Variants in STK33 observed in about 807,000 individuals in gnomAD.
STK33 encodes the protein serine/threonine kinase 33, also known as serine/threonine-protein kinase 33.
Under a neutral mutation model 58.0 loss-of-function variants are expected in STK33, and 52 were observed. That is an observed-to-expected ratio of 0.90 (90% CI 0.72 to 1.13). STK33 has a LOEUF of 1.13. Among genes scored for constraint, STK33 ranks in the 50% most tolerant of loss-of-function variants. The probability of loss-of-function intolerance (pLI) is 0.00; values close to 1 mark genes in which losing one functional copy is unlikely to be tolerated. For synonymous variants in STK33, 215 were observed against 200.1 expected (o/e 1.07, Z -0.63); for missense variants, 630 against 604.2 (o/e 1.04, Z -0.45).
chr11:8,354,511 C>CACACACACACACACACACAT, the STK33 span, among the ~76,000 whole-genome samples: 2 of 143,672 alleles, frequency 1.4e-5, no homozygotes, highest in Non-Finnish European at 3.2e-5. Context: ...CACACACACA[C>CACACACACACACACACACAT]ACACACCCCT....
intron 1 of STK33, among the ~76,000 whole-genome samples, chr11:8,510,644 T>A (rs1460971915): frequency 6.6e-6 from 1 of 152,222 alleles, no homozygotes; most frequent in Non-Finnish European, 1.5e-5. Context: ...AGTCTTAGAT[T>A]TGAGTCTTTG....
the STK33 span, among the ~76,000 whole-genome samples, chr11:8,357,016 G>A: frequency 2.0e-5 from 3 of 152,218 alleles, no homozygotes; most frequent in Non-Finnish European, 4.4e-5. Context: ...GCGCTGCCCC[G>A]CAGTTGTGCA....
At chr11:8,575,939 TAAC>T (rs1291392784) in intron 1 of STK33, among the ~76,000 whole-genome samples, 1 of 152,084 alleles carries the variant, frequency 6.6e-6, no homozygotes, top group Non-Finnish European at 1.5e-5. Context: ...TTACAAGTCT[TAAC>T]AAGCTTATAC....
At chr11:8,521,046 AAATT>A (rs1202598890) in intron 1 of STK33, among the ~76,000 whole-genome samples, 2 of 149,928 alleles carry the variant, frequency 1.3e-5, no homozygotes, top group African/African-American at 2.4e-5. Flanking sequence ...AAATAAATAA[AAATT>A]ATTTATAATT....
intron 1 of STK33, among the ~76,000 whole-genome samples, chr11:8,563,005 T>A (rs907726609): frequency 6.6e-6 from 1 of 152,144 alleles, no homozygotes; most frequent in Non-Finnish European, 1.5e-5. Flanking sequence ...ATTAGATTAT[T>A]CTAGCTAAAG....
chr11:8,434,246 CAAAA>C (rs11330436), intron 14 of STK33: 160 of 94,068 alleles, frequency 1.7e-3, no homozygotes, highest in South Asian at 6.2e-3. Context: ...GACTCCGTCT[CAAAA>C]AAAAAAAAAA....
chr11:8,479,964 G>C (rs186173300), intron 2 of STK33, among the ~76,000 whole-genome samples: 43 of 152,284 alleles, frequency 2.8e-4, no homozygotes, highest in African/African-American at 9.6e-4. Flanking sequence ...TTGTGGAAAA[G>C]AGCCAGAATC....
At chr11:8,337,447 G>A in the STK33 span, among the ~76,000 whole-genome samples, 1 of 152,148 alleles carries the variant, frequency 6.6e-6, no homozygotes, top group African/African-American at 2.4e-5. Context: ...AACAGGGCCG[G>A]CCTAGGGGGC....
intron 1 of STK33, among the ~76,000 whole-genome samples, chr11:8,581,383 T>C (rs2030220111): frequency 6.6e-6 from 1 of 152,236 alleles, no homozygotes; most frequent in African/African-American, 2.4e-5. Context: ...TGGTGGTGCA[T>C]GCCTGTGGTC....
At chr11:8,373,326 G>C in the STK33 span, among the ~76,000 whole-genome samples, 1 of 152,156 alleles carries the variant, frequency 6.6e-6, no homozygotes, top group Non-Finnish European at 1.5e-5. Flanking sequence ...TTGATGAGGG[G>C]GCTACAAAGT....
In STK33 at chr11:8,461,867, T is replaced by C. The variant is rs1434749287; in HGVS notation, c.496A>G (p.Ile166Val). The change falls in exon 8 of 16, where the codon ATT becomes GTT. Residue 166 changes from isoleucine (I) to valine (V), a missense_variant. By Grantham distance (29) the Ile-to-Val change is conservative. Transcript: ENST00000687296. ...TGTTCATGTTTTACACTTTTCAGAA[T>C]GTTCACCTCTCGTTCAAGTAACTTC... Reference protein sequence around the residue: ...AVKLLEREVNILKSVKHEHII... With the variant: ...AVKLLEREVNVLKSVKHEHII... 8.1e-6 allele frequency: 13 copies of C among 1,601,744 alleles called. No homozygotes were observed. In the East Asian group the frequency reaches 9.1e-5, roughly 11 times the overall value.
At chr11:8,590,273 GAATCACAAGCA>G (rs1244317178) in intron 1 of STK33, among the ~76,000 whole-genome samples, 1 of 152,054 alleles carries the variant, frequency 6.6e-6, no homozygotes, top group African/African-American at 2.4e-5. Context: ...TAAGAATACT[GAATCACAAGCA>G]AACTTTTTAC....
intron 1 of STK33, among the ~76,000 whole-genome samples, chr11:8,579,181 AG>A (rs1313141031): frequency 6.6e-6 from 1 of 151,980 alleles, no homozygotes; most frequent in Non-Finnish European, 1.5e-5. Context: ...CAGACCCTGA[AG>A]AATCAGTTAG....
chr11:8,523,330 C>T (rs1392977297), intron 1 of STK33, among the ~76,000 whole-genome samples: 1 of 151,766 alleles, frequency 6.6e-6, no homozygotes, highest in Non-Finnish European at 1.5e-5. Flanking sequence ...CAGCCGCCAT[C>T]CCATCTAGGA....
At chr11:8,374,202 A>C in the STK33 span, among the ~76,000 whole-genome samples, 1 of 151,688 alleles carries the variant, frequency 6.6e-6, no homozygotes, top group African/African-American at 2.4e-5. Flanking sequence ...ACTACCTCTC[A>C]CCTGCCCCAG....
intron 1 of STK33, among the ~76,000 whole-genome samples, chr11:8,516,730 C>A (rs553902578): frequency 1.3e-5 from 2 of 152,306 alleles, no homozygotes; most frequent in South Asian, 4.2e-4. Context: ...AAGCCTCACT[C>A]ACTGCTAGCA....
intron 1 of STK33, among the ~76,000 whole-genome samples, chr11:8,572,949 A>G (rs1957925638): frequency 6.6e-6 from 1 of 152,158 alleles, no homozygotes; most frequent in African/African-American, 2.4e-5. Flanking sequence ...AGCATTCTTA[A>G]TACTTTTTTT....
intron 8 of STK33, among the ~76,000 whole-genome samples, chr11:8,460,780 T>C (rs34381273): frequency 0.15 from 22,811 of 152,088 alleles, 2,311 homozygotes; most frequent in African/African-American, 0.29. Flanking sequence ...CTAAGAAGAT[T>C]TGGGGATAAA....
chr11:8,521,049 T>A (rs1052335113), intron 1 of STK33, among the ~76,000 whole-genome samples: 2 of 149,932 alleles, frequency 1.3e-5, no homozygotes, highest in Non-Finnish European at 3.0e-5. Flanking sequence ...TAAATAAAAA[T>A]TATTTATAAT....
Sources: gnomAD v4.1 joint callset for allele counts (sites outside exome capture counted in the v4.1 genomes callset) on GRCh38, gnomAD v4.1.1 for gene constraint, MANE v1.5 for transcripts, NCBI Gene and HGNC (gene_info 2026-07-23, HGNC 2026-07-21) for gene names.